DISC1: variants seen among roughly 807,000 people sequenced by gnomAD.
DISC1 encodes the protein DISC1 scaffold protein.
A neutral mutation model predicts 84.5 loss-of-function variants in DISC1; 57 were observed. The observed-to-expected ratio is 0.67, with a 90% confidence interval of 0.55 to 0.84. The LOEUF (loss-of-function observed/expected upper bound fraction) is 0.84, where lower values mean the gene tolerates loss of function less well. Among genes scored for constraint, DISC1 ranks in the 40% least tolerant of loss-of-function variants. DISC1 has a pLI of 0.00. For synonymous variants in DISC1, 411 were observed against 415.2 expected, an observed-to-expected ratio of 0.99 and a Z score of 0.12; for missense variants, 1,000 against 1,057.8, an observed-to-expected ratio of 0.95 and a Z score of 0.76.
intron 9 of DISC1, among the ~76,000 whole-genome samples, chr1:231,829,992 A>T (rs963099398): frequency 1.3e-5 from 2 of 152,100 alleles, no homozygotes; most frequent in African/African-American, 4.8e-5. Context: ...TTGTGGTGGA[A>T]TGTCATCAGT....
intron 9 of DISC1, among the ~76,000 whole-genome samples, chr1:231,831,188 G>A (rs1446690128): frequency 6.6e-6 from 1 of 152,180 alleles, no homozygotes; most frequent in Admixed American, 6.5e-5. Flanking sequence ...GCAAATCCCC[G>A]GGCTTGATGT....
At chr1:231,881,410 T>G (rs2086281820) in intron 9 of DISC1, among the ~76,000 whole-genome samples, 2 of 152,186 alleles carry the variant, frequency 1.3e-5, no homozygotes, top group African/African-American at 4.8e-5. Flanking sequence ...CTTCTCCCTC[T>G]GTCTCTTCTC....
intron 11 of DISC1, among the ~76,000 whole-genome samples, chr1:232,019,658 A>G (rs1436766895): frequency 6.6e-6 from 1 of 152,190 alleles, no homozygotes; most frequent in African/African-American, 2.4e-5. Context: ...AATTGTGGAC[A>G]TGGTTCAGAA....
chr1:231,987,978 G>A (rs1011529515), intron 10 of DISC1, among the ~76,000 whole-genome samples: 6 of 152,064 alleles, frequency 3.9e-5, no homozygotes, highest in Non-Finnish European at 8.8e-5. Context: ...TTGAGGTCAG[G>A]AGTTCAAGAG....
intron 10 of DISC1, among the ~76,000 whole-genome samples, chr1:231,976,472 GA>G (rs1558800105): frequency 6.6e-6 from 1 of 152,126 alleles, no homozygotes. Context: ...CTTTGGGACA[GA>G]AAAAGGAAGA....
intron 9 of DISC1, among the ~76,000 whole-genome samples, chr1:231,827,239 GC>G (rs1452846132): frequency 5.3e-5 from 8 of 151,936 alleles, no homozygotes; most frequent in Non-Finnish European, 1.2e-4. Context: ...ACCTGCCTCG[GC>G]CCCCTAAAGG....
At chr1:231,849,122 AT>A (rs35286886) in intron 9 of DISC1, among the ~76,000 whole-genome samples, 83 of 141,496 alleles carry the variant, frequency 5.9e-4, no homozygotes, top group Middle Eastern at 3.7e-3. Flanking sequence ...TATTATCCTC[AT>A]TTTTTTTTTT....
chr1:231,724,601 C>G (rs981199661), intron 3 of DISC1, among the ~76,000 whole-genome samples: 2 of 152,158 alleles, frequency 1.3e-5, no homozygotes, highest in Admixed American at 1.3e-4. Flanking sequence ...TTTTCTTCTT[C>G]CTTCCTTTAG....
At chr1:231,903,819 G>A (rs990764354) in intron 9 of DISC1, among the ~76,000 whole-genome samples, 1 of 152,202 alleles carries the variant, frequency 6.6e-6, no homozygotes, top group Non-Finnish European at 1.5e-5. Context: ...TATAATAGGA[G>A]GTTAGAAACT....
intron 9 of DISC1, among the ~76,000 whole-genome samples, chr1:231,910,503 C>T (rs1467878624): frequency 6.6e-6 from 1 of 152,154 alleles, no homozygotes; most frequent in Non-Finnish European, 1.5e-5. Flanking sequence ...GTTTCTTAAT[C>T]CTGAGCTCTA....
intron 6 of DISC1, among the ~76,000 whole-genome samples, chr1:231,789,633 C>G (rs1416828569): frequency 6.6e-6 from 1 of 152,172 alleles, no homozygotes; most frequent in Admixed American, 6.5e-5. Context: ...AATAGTTTCT[C>G]ACTCCCAAGT....
At chr1:231,776,935 G>A (rs2077007853) in intron 6 of DISC1, among the ~76,000 whole-genome samples, 1 of 152,162 alleles carries the variant, frequency 6.6e-6, no homozygotes, top group Non-Finnish European at 1.5e-5. Context: ...TGCCCCGGGG[G>A]TAGTGCGAGG....
Position 231,950,588 on chromosome 1 carries a change from G to A in DISC1, c.1982-8240G>A, listed in dbSNP as rs537055334. Among the ~76,000 whole-genome samples, 13 of 152,224 alleles carry A rather than the reference G, an allele frequency of 8.5e-5. No homozygotes were observed. In the South Asian group the frequency reaches 2.3e-3, roughly 27 times the overall value. On this transcript the variant is annotated intron_variant, in intron 9 of 12. Coordinates refer to ENST00000439617, the MANE Select transcript of DISC1 (RefSeq NM_018662.3). ...TTTTTACTGACCTGCTTTCCATACCGCAAGCATTTGGTTTTTCTTTTGTCA... is the reference window on the plus strand; with the variant it reads ...TTTTTACTGACCTGCTTTCCATACCACAAGCATTTGGTTTTTCTTTTGTCA...
At chr1:231,659,770 A>T (rs1312403864) in intron 1 of DISC1, among the ~76,000 whole-genome samples, 6 of 152,212 alleles carry the variant, frequency 3.9e-5, no homozygotes, top group African/African-American at 1.4e-4. Flanking sequence ...TTCAGTTTCC[A>T]TGTAGTTGTG....
chr1:231,972,830 A>G (rs1662195386), intron 10 of DISC1, among the ~76,000 whole-genome samples: 1 of 152,176 alleles, frequency 6.6e-6, no homozygotes, highest in Non-Finnish European at 1.5e-5. Context: ...AACAAATGAA[A>G]CTGGTTATAA....
At chr1:231,779,306 A>G (rs886901545) in intron 6 of DISC1, among the ~76,000 whole-genome samples, 4 of 152,128 alleles carry the variant, frequency 2.6e-5, no homozygotes, top group Non-Finnish European at 5.9e-5. Context: ...TGATACAAAG[A>G]CCAACTGTGG....
chr1:231,881,089 G>A (rs534014446), intron 9 of DISC1, among the ~76,000 whole-genome samples: 11 of 151,846 alleles, frequency 7.2e-5, no homozygotes, highest in East Asian at 3.9e-4. Context: ...CTTCCCTGAC[G>A]AATTTTATTT....
At chr1:231,919,235 G>A (rs1012746412) in intron 9 of DISC1, among the ~76,000 whole-genome samples, 2 of 152,280 alleles carry the variant, frequency 1.3e-5, no homozygotes, top group East Asian at 3.9e-4. Flanking sequence ...TTTTGTTGTT[G>A]TTCTTAAAAC....
At position 232,027,792 on chromosome 1, in the gene DISC1, G is replaced by GCT. The variant is rs1188446773; in HGVS notation, c.2425+1241_2425+1242dup. Among the ~76,000 whole-genome samples, 3 of 125,850 alleles carry GCT rather than the reference G, an allele frequency of 2.4e-5. No homozygotes were observed. The Admixed American group carries it at 2.4e-4, about 10-fold the overall frequency. The allele number at this position is 125,850 out of a possible 152,430, so 82.6% of individuals were successfully genotyped here. ...TTCCAGTTTTTACCATACTTTATGG[G>GCT]CTGTGTGTGTGTGTGTGTGTGTGTG... On this transcript the variant is annotated intron_variant, in intron 12 of 12. Coordinates refer to ENST00000439617, the MANE Select transcript of DISC1 (RefSeq NM_018662.3).
Sources: gnomAD v4.1 joint callset for allele counts (sites outside exome capture counted in the v4.1 genomes callset) on GRCh38, gnomAD v4.1.1 for gene constraint, MANE v1.5 for transcripts, NCBI Gene and HGNC (gene_info 2026-07-23, HGNC 2026-07-21) for gene names.